The following FCRL5 variants were observed in gnomAD, a reference collection of about 807,000 sequenced individuals.
FCRL5 encodes the protein Fc receptor like 5, also known as Fc receptor-like protein 5.
A neutral mutation model predicts 92.1 loss-of-function variants in FCRL5; 79 were observed. The ratio of observed to expected loss-of-function variants is 0.86; its 90% CI spans 0.72 to 1.03. The LOEUF (loss-of-function observed/expected upper bound fraction) is 1.03, where lower values mean the gene tolerates loss of function less well. Among genes scored for constraint, FCRL5 ranks in the 50% least tolerant of loss-of-function variants. The pLI is 0.00. For missense variants in FCRL5, 1,160 were observed against 1,181.1 expected, an observed-to-expected ratio of 0.98 and a Z score of 0.26; for synonymous variants, 466 against 469.3, an observed-to-expected ratio of 0.99 and a Z score of 0.09.
At chr1:157,527,147 G>T (rs1352274254) in intron 9 of FCRL5, among the ~76,000 whole-genome samples, 1 of 152,164 alleles carries the variant, frequency 6.6e-6, no homozygotes, top group Non-Finnish European at 1.5e-5. Flanking sequence ...TTCTAACAAG[G>T]GTCTTGGGTG....
chr1:157,539,167 C>G lies in FCRL5; in HGVS notation c.1321G>C (p.Glu441Gln), dbSNP rs763174950. Residue 441 changes from glutamate (E) to glutamine (Q), a missense_variant, in exon 7 of 17, where the codon GAG (glutamate) becomes CAG (glutamine). Transcript: ENST00000361835. ...GTGCAGTAGTAGTTCCCTGAATGCTCTGCAGTCAGAGAGAAGCTGATGGCC... is the reference window on the plus strand; with the variant it reads ...GTGCAGTAGTAGTTCCCTGAATGCTGTGCAGTCAGAGAGAAGCTGATGGCC... The part of the protein sequence containing the change: ...GVAISFSLTA[E>Q]HSGNYYCTAD... 2 of 1,614,096 alleles carry G rather than the reference C, an allele frequency of 1.2e-6. No homozygotes were observed. Among genetic ancestry groups the G allele is most frequent in the African/African-American group, 2.7e-5 (2 of 74,942 alleles).
At chr1:157,549,278 C>T (rs1292318559) in intron 2 of FCRL5, among the ~76,000 whole-genome samples, 1 of 113,720 alleles carries the variant, frequency 8.8e-6, no homozygotes, top group Non-Finnish European at 1.7e-5. Flanking sequence ...CACTCCAGGG[C>T]CTGTTGTGGG....
chr1:157,547,074 T>C lies in FCRL5; in HGVS notation c.176A>G (p.His59Arg), dbSNP rs1419682835. 3 of 1,614,226 alleles carry C rather than the reference T, an allele frequency of 1.9e-6. No individual in the cohort carries two copies. Among genetic ancestry groups the C allele is most frequent in the Admixed American group, 3.3e-5 (2 of 60,032 alleles). The part of the protein sequence containing the change: ...FYSPQKTKWY[H>R]RYLGKEILRE... ...TAGTATTTCTTTCCCAAGGTACCGATGGTACCATTTTGTTTTCTGTGGTGA... is the reference window on the plus strand; with the variant it reads ...TAGTATTTCTTTCCCAAGGTACCGACGGTACCATTTTGTTTTCTGTGGTGA... Residue 59 changes from histidine to arginine, a missense_variant, in exon 3 of 17, where the codon CAT (histidine) becomes CGT (arginine). Physicochemically the swap from His to Arg is conservative, Grantham distance 29. Transcript: ENST00000361835.
chr1:157,532,024 A>G (rs1188767244), intron 8 of FCRL5: 1 of 152,228 alleles, frequency 6.6e-6, no homozygotes, highest in Non-Finnish European at 1.5e-5. Flanking sequence ...GGTACATTAA[A>G]TATCCTAATT....
intron 8 of FCRL5, chr1:157,533,260 G>T (rs762934367): frequency 6.6e-6 from 1 of 151,850 alleles, no homozygotes. Context: ...ATTTTCTGAG[G>T]GTCTCCATTT....
intron 9 of FCRL5, among the ~76,000 whole-genome samples, chr1:157,526,640 C>T (rs921312263): frequency 6.6e-6 from 1 of 152,060 alleles, no homozygotes; most frequent in Non-Finnish European, 1.5e-5. Flanking sequence ...GGGAAGTCCT[C>T]TCCTCTATAT....
In FCRL5 at chr1:157,539,320, G is replaced by A. The variant is rs749537791; in HGVS notation, c.1168C>T (p.Leu390=). The A allele has an allele frequency of 2.5e-6, 4 of 1,614,078 alleles. No individual in the cohort carries two copies. Among genetic ancestry groups the A allele is most frequent in the Non-Finnish European group, 3.4e-6 (4 of 1,179,990 alleles). Residue 390 remains leucine, a synonymous_variant, in exon 7 of 17, where the codon CTG becomes TTG. Coordinates refer to ENST00000361835, the MANE Select transcript of FCRL5 (RefSeq NM_031281.3). ...PVLNLSSPED[L]IFEGAKVTLH... is the part of the protein sequence containing the mutation. ...GTCACCTTGGCTCCCTCAAAAATCA[G>A]GTCCTCAGGAGAGCTGAGGTTGAGG...
chr1:157,531,373 T>C (rs1650689010), intron 8 of FCRL5, among the ~76,000 whole-genome samples: 1 of 152,188 alleles, frequency 6.6e-6, no homozygotes, highest in South Asian at 2.1e-4. Flanking sequence ...GCTGGTGGCA[T>C]TGTAAATTAG....
At chr1:157,518,064 A>G (rs1650007045) in intron 15 of FCRL5, among the ~76,000 whole-genome samples, 1 of 152,192 alleles carries the variant, frequency 6.6e-6, no homozygotes, top group Non-Finnish European at 1.5e-5. Flanking sequence ...AGAAATAGAT[A>G]TTAGTTCTTT....
chr1:157,515,622 A>AG lies in FCRL5; in HGVS notation c.*52dup. 6.2e-7 allele frequency: 1 copy of AG among 1,614,032 alleles called. No homozygotes were observed. The highest frequency in any genetic ancestry group is 1.3e-5 in the African/African-American group (1 of 75,060). On this transcript the variant is annotated 3_prime_UTR_variant, in exon 17 of 17. Coordinates refer to ENST00000361835, the MANE Select transcript of FCRL5 (RefSeq NM_031281.3). ...CCACTTCAATGCTGCTTCTCCCCCA[A>AG]GGGGAACTTTGGGGTGCAGAGGCTG...
At chr1:157,551,250 A>G (rs1386683573) in intron 1 of FCRL5, among the ~76,000 whole-genome samples, 1 of 152,204 alleles carries the variant, frequency 6.6e-6, no homozygotes, top group Admixed American at 6.5e-5. Context: ...CCCAGAGCCC[A>G]TGTTATAAAC....
At position 157,534,544 on chromosome 1, in the gene FCRL5, A is replaced by C. The variant is rs763433239; in HGVS notation, c.1681+70T>G. On this transcript the variant is annotated intron_variant, in intron 8 of 16. Coordinates refer to ENST00000361835, the MANE Select transcript of FCRL5 (RefSeq NM_031281.3). ...GGGGAGGAAACTGGACAGTGCAAAC[A>C]GATTTTTAAAGGAATGGGTGAGAGA... 3 of 1,586,624 alleles carry C rather than the reference A, an allele frequency of 1.9e-6. No individual in the cohort carries two copies. In the African/African-American group the frequency reaches 4.0e-5, roughly 21 times the overall value.
intron 6 of FCRL5, among the ~76,000 whole-genome samples, chr1:157,540,201 C>G (rs1433012841): frequency 1.3e-5 from 2 of 152,226 alleles, no homozygotes; most frequent in Non-Finnish European, 2.9e-5. Context: ...CTAGTCATTC[C>G]CTGTCTTTTC....
chr1:157,530,177 A>G (rs1294710988), intron 8 of FCRL5, among the ~76,000 whole-genome samples: 3 of 152,206 alleles, frequency 2.0e-5, no homozygotes, highest in African/African-American at 7.2e-5. Flanking sequence ...GCATGGGATC[A>G]CAATAACATA....
At chr1:157,530,565 C>T (rs1216495738) in intron 8 of FCRL5, among the ~76,000 whole-genome samples, 1 of 152,192 alleles carries the variant, frequency 6.6e-6, no homozygotes, top group African/African-American at 2.4e-5. Flanking sequence ...AGGGTTTCTC[C>T]ATCAGGCTGG....
intron 2 of FCRL5, among the ~76,000 whole-genome samples, chr1:157,547,705 G>T (rs1384530130): frequency 6.6e-6 from 1 of 152,158 alleles, no homozygotes; most frequent in Non-Finnish European, 1.5e-5. Context: ...GCTAATTGTG[G>T]CAGAGCAAGG....
intron 7 of FCRL5, among the ~76,000 whole-genome samples, chr1:157,537,542 C>G (rs964921593): frequency 1.3e-4 from 20 of 152,188 alleles, no homozygotes; most frequent in Admixed American, 3.3e-4. Context: ...TGAGCTCACC[C>G]TGCCTCCATT....
chr1:157,518,488 C>T lies in FCRL5; in HGVS notation c.2753G>A (p.Arg918Lys). ...LQPVYTNANP[R>K]GENVVYSEVR... is the part of the protein sequence containing the mutation. ...TTCTGAGTAAACCACATTTTCTCCT[C>T]TAGGATTTGCTTAGAAAAAAGTTGA... Residue 918 changes from arginine to lysine, a missense_variant, in exon 15 of 17, where the codon AGA (arginine) becomes AAA (lysine). Arg to Lys is a conservative substitution (Grantham distance 26). Transcript: ENST00000361835. 6.2e-7 allele frequency: 1 copy of T among 1,614,060 alleles called. No homozygotes were observed. Among genetic ancestry groups the T allele is most frequent in the Non-Finnish European group, 8.5e-7 (1 of 1,179,948 alleles).
Position 157,545,135 on chromosome 1 carries a change from T to C in FCRL5, c.308-53A>G, listed in dbSNP as rs966761267. 9 of 1,548,112 alleles carry C rather than the reference T, an allele frequency of 5.8e-6. No individual in the cohort carries two copies. In the Admixed American group the frequency reaches 2.0e-4, roughly 35 times the overall value. On this transcript the variant is annotated intron_variant, in intron 3 of 16. Transcript: ENST00000361835. Reference sequence around the variant, plus strand: ...GTTCATCCTACTGTTTCCCCTTTCTTTTCATTGTTTTTCCAAGTAGATTTT... The same window carrying C: ...GTTCATCCTACTGTTTCCCCTTTCTCTTCATTGTTTTTCCAAGTAGATTTT...
Sources: allele counts gnomAD v4.1 joint callset (sites outside exome capture counted in the v4.1 genomes callset), GRCh38; gene constraint gnomAD v4.1.1; transcripts MANE v1.5; gene names NCBI Gene and HGNC (gene_info 2026-07-23, HGNC 2026-07-21).